The following PIP5K1B variants were observed in gnomAD, a reference collection of about 807,000 sequenced individuals.
PIP5K1B encodes phosphatidylinositol-4-phosphate 5-kinase type 1 beta.
PIP5K1B carries 42 observed loss-of-function variants against 67.0 expected under a neutral mutation model. The observed-to-expected ratio is 0.63, with a 90% confidence interval of 0.49 to 0.81. The LOEUF is 0.81. Ranked by LOEUF, PIP5K1B falls within the 30% of genes least tolerant of loss-of-function variation. The pLI is 0.00. For missense variants in PIP5K1B, 459 were observed against 646.3 expected, an observed-to-expected ratio of 0.71 and a Z score of 3.14; for synonymous variants, 214 against 231.4, an observed-to-expected ratio of 0.92 and a Z score of 0.68.
At chr9:68,762,297 T>TG (rs1213916537) in intron 2 of PIP5K1B, among the ~76,000 whole-genome samples, 1 of 151,264 alleles carries the variant, frequency 6.6e-6, no homozygotes, top group Non-Finnish European at 1.5e-5. Flanking sequence ...ATTGTGCAAT[T>TG]TTTTCTCCCT....
At chr9:68,874,086 G>T (rs564888326) in intron 5 of PIP5K1B, among the ~76,000 whole-genome samples, 3 of 152,278 alleles carry the variant, frequency 2.0e-5, no homozygotes, top group East Asian at 3.9e-4. Context: ...GCAATTAATT[G>T]TTATTTCCTG....
chr9:68,922,097 A>C (rs1826434706), intron 11 of PIP5K1B, among the ~76,000 whole-genome samples: 1 of 152,160 alleles, frequency 6.6e-6, no homozygotes, highest in Non-Finnish European at 1.5e-5. Context: ...GATATTTCTA[A>C]ATTACTGCCT....
At chr9:68,711,562 A>G (rs10869225) in intron 1 of PIP5K1B, among the ~76,000 whole-genome samples, 104,870 of 152,158 alleles carry the variant, frequency 0.69, 36,600 homozygotes, top group African/African-American at 0.79. Flanking sequence ...ATCACTCTTC[A>G]AAATCTTGGG....
chr9:68,911,796 T>C (rs1443371939), intron 8 of PIP5K1B, among the ~76,000 whole-genome samples: 2 of 152,130 alleles, frequency 1.3e-5, no homozygotes, highest in African/African-American at 2.4e-5. Context: ...GATGAGAGGA[T>C]CACTTGAGCC....
At chr9:68,772,846 A>G (rs1830731229) in intron 2 of PIP5K1B, among the ~76,000 whole-genome samples, 1 of 152,208 alleles carries the variant, frequency 6.6e-6, no homozygotes, top group Non-Finnish European at 1.5e-5. Context: ...AGTAGTGGAA[A>G]ACGGGTAGGA....
At chr9:68,706,189 T>G (rs1310743555) in intron 1 of PIP5K1B, 1 of 152,382 alleles carries the variant, frequency 6.6e-6, no homozygotes, top group Non-Finnish European at 1.5e-5. Flanking sequence ...GTTGGTGTTC[T>G]GCTCATTTCT....
At chr9:68,803,137 T>C (rs1484124972) in intron 2 of PIP5K1B, among the ~76,000 whole-genome samples, 1 of 152,190 alleles carries the variant, frequency 6.6e-6, no homozygotes, top group Admixed American at 6.5e-5. Flanking sequence ...GGAATTGGGA[T>C]GGCCCCTTGA....
intron 6 of PIP5K1B, among the ~76,000 whole-genome samples, chr9:68,881,930 C>G (rs183181879): frequency 8.7e-4 from 132 of 152,316 alleles, no homozygotes; most frequent in African/African-American, 3.1e-3. Flanking sequence ...AGAAAGAGAG[C>G]AGAGTGAATA....
intron 5 of PIP5K1B, among the ~76,000 whole-genome samples, chr9:68,868,723 A>C (rs2132284161): frequency 6.6e-6 from 1 of 152,340 alleles, no homozygotes; most frequent in African/African-American, 2.4e-5. Context: ...GAGGTGGCAA[A>C]AATGGTTTAA....
At chr9:69,005,725 A>G (rs1315122256) in intron 15 of PIP5K1B, among the ~76,000 whole-genome samples, 2 of 152,072 alleles carry the variant, frequency 1.3e-5, no homozygotes, top group Non-Finnish European at 2.9e-5. Flanking sequence ...ACAGAACTTC[A>G]TAGTCATCTG....
intron 4 of PIP5K1B, among the ~76,000 whole-genome samples, chr9:68,832,041 TGTATC>T (rs1834353555): frequency 6.6e-6 from 1 of 152,246 alleles, no homozygotes; most frequent in African/African-American, 2.4e-5. Flanking sequence ...CTCATCAAAG[TGTATC>T]TCACTTCTGA....
chr9:68,928,400 T>C (rs560211015), intron 12 of PIP5K1B, among the ~76,000 whole-genome samples: 1 of 152,338 alleles, frequency 6.6e-6, no homozygotes, highest in Non-Finnish European at 1.5e-5. Context: ...TCTTATATCT[T>C]ACATCCCATA....
At chr9:68,899,066 T>A (rs987935516) in intron 8 of PIP5K1B, among the ~76,000 whole-genome samples, 1 of 152,212 alleles carries the variant, frequency 6.6e-6, no homozygotes, top group Non-Finnish European at 1.5e-5. Flanking sequence ...AGCTTCTGTC[T>A]CCAGCCTTCT....
In PIP5K1B at chr9:68,940,743, C is replaced by G. The variant is rs1314804518; in HGVS notation, c.1455C>G (p.Tyr485Ter). 3.1e-6 allele frequency: 5 copies of G among 1,613,810 alleles called. No individual in the cohort carries two copies. Among genetic ancestry groups the G allele is most frequent in the East Asian group, 2.2e-5 (1 of 44,874 alleles). ...LATTISSSSLYVNEHYPHDRP... is the reference protein window; with the variant it reads ...LATTISSSSL ...CCACAATTTCATCTTCTTCCTTATA[C>G]GTCAATGAGCACTATCCACACGACA... The change falls in exon 14 of 16, where the codon TAC (tyrosine) becomes TAG (stop). Residue 485 changes from tyrosine (Y) to a stop codon, truncating the protein, a stop_gained. Coordinates refer to ENST00000265382, the MANE Select transcript of PIP5K1B (RefSeq NM_003558.4). LOFTEE classifies it high-confidence loss of function.
intron 1 of PIP5K1B, among the ~76,000 whole-genome samples, chr9:68,719,755 G>C (rs1827797674): frequency 6.6e-6 from 1 of 152,128 alleles, no homozygotes; most frequent in Non-Finnish European, 1.5e-5. Flanking sequence ...GTACAGTTGG[G>C]CTTCATTATT....
chr9:68,921,873 A>T lies in PIP5K1B; in HGVS notation c.1117-1429A>T, dbSNP rs192139592. Reference sequence around the variant, plus strand: ...GTCATAAATAAATAATAAATAAATTAAAAAATATACCTATCATCTGCTTTT... The same window carrying T: ...GTCATAAATAAATAATAAATAAATTTAAAAATATACCTATCATCTGCTTTT... On this transcript the variant is annotated intron_variant, in intron 11 of 15. Transcript: ENST00000265382. Among the ~76,000 whole-genome samples, 1,507 of 152,296 alleles carry T rather than the reference A, an allele frequency of 9.9e-3. 14 individuals are homozygous for T. The highest frequency in any genetic ancestry group is 0.017 in the Non-Finnish European group (1,126 of 68,020).
Position 68,977,234 on chromosome 9 carries a change from T to C in PIP5K1B, c.1503-13906T>C, listed in dbSNP as rs527600220. Among the ~76,000 whole-genome samples, 15 of 152,326 alleles carry C rather than the reference T, an allele frequency of 9.8e-5. 1 individual carries two copies. The highest frequency in any genetic ancestry group is 6.2e-4 in the South Asian group (3 of 4,826). ...ATTGTGAAGCTTAATAGAAATTACT[T>C]TGATGGGCCTAGCATGGTGGCTCAC... On this transcript the variant is annotated intron_variant, in intron 14 of 15. Coordinates refer to ENST00000265382, the MANE Select transcript of PIP5K1B (RefSeq NM_003558.4).
At chr9:68,804,537 A>G (rs1415306052) in intron 2 of PIP5K1B, among the ~76,000 whole-genome samples, 1 of 152,090 alleles carries the variant, frequency 6.6e-6, no homozygotes, top group Admixed American at 6.6e-5. Flanking sequence ...CCTGGCTCCA[A>G]CTGTATGACC....
intron 4 of PIP5K1B, among the ~76,000 whole-genome samples, chr9:68,835,046 CG>C (rs1436085400): frequency 1.3e-5 from 2 of 152,198 alleles, no homozygotes; most frequent in African/African-American, 4.8e-5. Flanking sequence ...GATTTGGGAT[CG>C]TTTGGCAGCC....
Sources: gnomAD v4.1 joint callset for allele counts (sites outside exome capture counted in the v4.1 genomes callset) on GRCh38, gnomAD v4.1.1 for gene constraint, MANE v1.5 for transcripts, NCBI Gene and HGNC (gene_info 2026-07-23, HGNC 2026-07-21) for gene names.